Variants in KIF13A observed in about 807,000 individuals in gnomAD.
KIF13A encodes the protein kinesin family member 13A.
A neutral mutation model predicts 212.2 loss-of-function variants in KIF13A; 79 were observed. The ratio of observed to expected loss-of-function variants is 0.37; its 90% CI spans 0.31 to 0.45. KIF13A has a LOEUF of 0.45. KIF13A is among the 20% of genes least tolerant of loss of function. The probability of loss-of-function intolerance (pLI) is 1.00; values close to 1 mark genes in which losing one functional copy is unlikely to be tolerated. For missense variants in KIF13A, 1,901 were observed against 2,209.0 expected, an observed-to-expected ratio of 0.86 and a Z score of 2.79; for synonymous variants, 789 against 808.6, an observed-to-expected ratio of 0.98 and a Z score of 0.41.
chr6:17,784,385 C>T (rs1008829933), intron 28 of KIF13A, among the ~76,000 whole-genome samples: 6 of 152,080 alleles, frequency 3.9e-5, no homozygotes, highest in African/African-American at 1.4e-4. Context: ...GCCACTGGTA[C>T]TCCAGCCTGG....
chr6:17,880,627 C>CCAA, intron 3 of KIF13A, among the ~76,000 whole-genome samples: 1 of 69,328 alleles, frequency 1.4e-5, no homozygotes, highest in Non-Finnish European at 2.7e-5. Flanking sequence ...GACTCTGTCT[C>CCAA]AAAAAAAAAA....
chr6:17,763,838 C>T lies in KIF13A; in HGVS notation c.*272G>A. ...TTTGGGAAAACTGGTAACTAAACAT[C>T]CCAGGGAATGAATATGAGATTGATC... On this transcript the variant is annotated 3_prime_UTR_variant, in exon 39 of 39. Coordinates refer to ENST00000259711, the MANE Select transcript of KIF13A (RefSeq NM_022113.6). The T allele has an allele frequency of 8.0e-7, 1 of 1,247,838 alleles. No individual in the cohort carries two copies. Among genetic ancestry groups the T allele is most frequent in the Non-Finnish European group, 1.0e-6 (1 of 993,776 alleles). The allele number at this position is 1,247,838 out of a possible 1,614,324, so 77.3% of individuals were successfully genotyped here. A position where few individuals can be genotyped will look rare whatever the true frequency, so the allele number is the denominator to read the frequency against.
chr6:17,801,116 A>G (rs999564092), intron 20 of KIF13A, among the ~76,000 whole-genome samples: 1 of 152,156 alleles, frequency 6.6e-6, no homozygotes, highest in African/African-American at 2.4e-5. Flanking sequence ...TTGACCAAAC[A>G]GCTAGCTCAT....
rs750976934 is a variant in KIF13A, at chr6:17,771,898, A to T, written c.4476+10T>A. The T allele has an allele frequency of 1.9e-6, 3 of 1,613,646 alleles. No homozygotes were observed. Among genetic ancestry groups the T allele is most frequent in the Non-Finnish European group, 1.7e-6 (2 of 1,179,744 alleles). On this transcript the variant is annotated intron_variant, in intron 37 of 38. Coordinates refer to ENST00000259711, the MANE Select transcript of KIF13A (RefSeq NM_022113.6). This position sits in a 1 kb window ranked among gnomAD's most constrained non-coding sequence, Gnocchi z 5.4. Reference sequence around the variant, plus strand: ...CTATTCTGCATAGTACAGACAAGTCAAGCATTTACCTCCTGGCTTAGAAGA... The same window carrying T: ...CTATTCTGCATAGTACAGACAAGTCTAGCATTTACCTCCTGGCTTAGAAGA...
rs1768858175 is a variant in KIF13A, at chr6:17,862,101, A to C, written c.221-5979T>G. ...CGGGATCACAGCTTATGGCAGCTTC[A>C]AATGACTGGGCTCAGGTAATCCTCC... On this transcript the variant is annotated intron_variant, in intron 4 of 38. Transcript: ENST00000259711. 4.6e-5 allele frequency among the ~76,000 whole-genome samples: 7 copies of C among 152,174 alleles called. No individual in the cohort carries two copies. The South Asian group carries it at 1.5e-3, about 32-fold the overall frequency.
intron 2 of KIF13A, among the ~76,000 whole-genome samples, chr6:17,969,768 T>C (rs1779643155): frequency 6.6e-6 from 1 of 152,234 alleles, no homozygotes; most frequent in African/African-American, 2.4e-5. Context: ...GGAAATCTTT[T>C]GGTTTTTGGC....
At position 17,967,199 on chromosome 6, in the gene KIF13A, T is replaced by C. The variant is rs141242539; in HGVS notation, c.146+19855A>G. Among the ~76,000 whole-genome samples the C allele has an allele frequency of 9.2e-5, 14 of 152,356 alleles. No individual in the cohort carries two copies. Among genetic ancestry groups the C allele is most frequent in the Admixed American group, 2.0e-4 (3 of 15,304 alleles). On this transcript the variant is annotated intron_variant, in intron 2 of 38. Transcript: ENST00000259711. This position sits in a 1 kb window ranked among gnomAD's most constrained non-coding sequence, Gnocchi z 4.1. ...CTTGGACTAAACATTCAGCTGAACC[T>C]AGTGCTGTAAATTTTTAGATAGTGC...
Position 17,799,870 on chromosome 6 carries a change from A to T in KIF13A, c.2616+82T>A. On this transcript the variant is annotated intron_variant, in intron 21 of 38. Transcript: ENST00000259711. This position sits in a 1 kb window ranked among gnomAD's most constrained non-coding sequence, Gnocchi z 4.4. Reference sequence around the variant, plus strand: ...AATCCAACTTTTACTACCCTGGATGAAAAACTCTCATAAGATTTTTTGTAA... The same window carrying T: ...AATCCAACTTTTACTACCCTGGATGTAAAACTCTCATAAGATTTTTTGTAA... 2 of 1,508,502 alleles carry T rather than the reference A, an allele frequency of 1.3e-6. No individual in the cohort carries two copies. Among genetic ancestry groups the T allele is most frequent in the African/African-American group, 1.4e-5 (1 of 72,336 alleles). 93.4% of individuals were successfully genotyped at this position (1,508,502 alleles called of 1,614,324 possible).
At chr6:17,894,402 G>A (rs1022515147) in intron 3 of KIF13A, among the ~76,000 whole-genome samples, 2 of 152,196 alleles carry the variant, frequency 1.3e-5, no homozygotes, top group Admixed American at 1.3e-4. Context: ...ACAGGCGTGA[G>A]TCACTGCACC....
rs1456676380 is a variant in KIF13A at position 17,803,960 on chromosome 6, G to A, written c.2454+401C>T. Among the ~76,000 whole-genome samples the A allele has an allele frequency of 3.3e-5, 5 of 152,272 alleles. No individual in the cohort carries two copies. In the East Asian group the frequency reaches 9.6e-4, roughly 29 times the overall value. On this transcript the variant is annotated intron_variant, in intron 20 of 38. Transcript: ENST00000259711. ...AAGGTCAGGAGATCAAGACCATCCT[G>A]GCTAACACGGTGAAACCCCGTCTCC...
intron 35 of KIF13A, among the ~76,000 whole-genome samples, chr6:17,774,169 C>T (rs528210240): frequency 1.3e-5 from 2 of 152,310 alleles, no homozygotes; most frequent in South Asian, 2.1e-4. Context: ...CCTCTGAAGA[C>T]TAAATTTTAA....
intron 4 of KIF13A, among the ~76,000 whole-genome samples, chr6:17,870,099 G>C (rs115483957): frequency 2.0e-4 from 31 of 152,304 alleles, no homozygotes; most frequent in African/African-American, 7.0e-4. Context: ...ATTTACAATA[G>C]ATGTAAACTT....
At position 17,911,634 on chromosome 6, in the gene KIF13A, A is replaced by G. The variant is rs1378039828; in HGVS notation, c.147-13454T>C. On this transcript the variant is annotated intron_variant, in intron 2 of 38. Transcript: ENST00000259711. ...ACTCATAGACTCAGAGTGTAGAAGG[A>G]TGGTTACCAGAAGCTGGGAAGGGTT... Among the ~76,000 whole-genome samples, 6 of 149,508 alleles carry G rather than the reference A, an allele frequency of 4.0e-5. No individual in the cohort carries two copies. In the South Asian group the frequency reaches 1.1e-3, roughly 27 times the overall value.
intron 18 of KIF13A, among the ~76,000 whole-genome samples, chr6:17,807,669 C>G (rs1343765994): frequency 6.6e-6 from 1 of 152,100 alleles, no homozygotes; most frequent in Admixed American, 6.5e-5. Context: ...GCTTTTTGTC[C>G]TTTGAAGCAT....
intron 4 of KIF13A, among the ~76,000 whole-genome samples, chr6:17,861,868 C>T (rs555735909): frequency 6.6e-6 from 1 of 152,122 alleles, no homozygotes; most frequent in Non-Finnish European, 1.5e-5. Context: ...CTTGGTCATA[C>T]GAAAGCTCCT....
chr6:17,813,792 T>C lies in KIF13A; in HGVS notation c.2000+3228A>G, dbSNP rs116666825. On this transcript the variant is annotated intron_variant, in intron 17 of 38. Coordinates refer to ENST00000259711, the MANE Select transcript of KIF13A (RefSeq NM_022113.6). The stretch of plus-strand genomic sequence containing the variant: ...CACGGCTCTGATCCCATCGCCCAAT[T>C]TACCAGCTAACTGACCATCTGGGTA... 6.9e-3 allele frequency among the ~76,000 whole-genome samples: 1,050 copies of C among 152,170 alleles called. 19 individuals carry two copies. The highest frequency in any genetic ancestry group is 0.025 in the African/African-American group (1,018 of 41,508).
chr6:17,949,817 T>A (rs1777708852), intron 2 of KIF13A, among the ~76,000 whole-genome samples: 1 of 152,114 alleles, frequency 6.6e-6, no homozygotes, highest in Non-Finnish European at 1.5e-5. Flanking sequence ...TTTTTAAGCC[T>A]AAAGAATGAC....
chr6:17,800,745 T>G (rs1762407391), intron 20 of KIF13A, among the ~76,000 whole-genome samples: 1 of 151,912 alleles, frequency 6.6e-6, no homozygotes, highest in Non-Finnish European at 1.5e-5. Flanking sequence ...GGATTACAGG[T>G]GCCTGCCACC....
At chr6:17,942,398 A>C (rs1012702623) in intron 2 of KIF13A, among the ~76,000 whole-genome samples, 13 of 151,888 alleles carry the variant, frequency 8.6e-5, no homozygotes, top group Admixed American at 5.3e-4. Flanking sequence ...ACACCAGAAC[A>C]ATCTGAAGCC....
Sources: gnomAD v4.1 joint callset for allele counts (sites outside exome capture counted in the v4.1 genomes callset) on GRCh38, gnomAD v4.1.1 for gene constraint, Gnocchi (gnomAD v3.1) non-coding constraint, MANE v1.5 for transcripts, NCBI Gene and HGNC (gene_info 2026-07-23, HGNC 2026-07-21) for gene names.